Variants in THAP12 observed in about 807,000 individuals in gnomAD.
THAP12 encodes the protein 52 kDa repressor of the inhibitor of the protein kinase.
In THAP12, 20 loss-of-function variants were observed where a neutral mutation model predicts 63.0. The ratio of observed to expected loss-of-function variants is 0.32; its 90% confidence interval spans 0.22 to 0.46. The LOEUF (loss-of-function observed/expected upper bound fraction) is 0.46, where lower values mean the gene tolerates loss of function less well. Among genes scored for constraint, THAP12 ranks in the 20% least tolerant of loss-of-function variants. THAP12 has a pLI of 1.00. For missense variants in THAP12, 568 were observed against 908.2 expected, an observed-to-expected ratio of 0.63 and a Z score of 4.81; for synonymous variants, 264 against 328.4, an observed-to-expected ratio of 0.80 and a Z score of 2.12.
chr11:76,364,492 G>A (rs549164993), intron 2 of THAP12: 1 of 357,474 alleles, frequency 2.8e-6, no homozygotes, highest in African/African-American at 2.2e-5. Context: ...TTTGAATCAA[G>A]TTTATGTCTA....
At chr11:76,380,563 ACGCC>A (rs1258427714) in intron 1 of THAP12, among the ~76,000 whole-genome samples, 181 bp downstream of exon 1, 1 of 151,900 alleles carries the variant, frequency 6.6e-6, no homozygotes, top group African/African-American at 2.4e-5. Context: ...AGGTCCCCGG[ACGCC>A]CGCCCGCCCA....
chr11:76,354,405 A>G (rs1237004798), intron 4 of THAP12, among the ~76,000 whole-genome samples: 1 of 152,084 alleles, frequency 6.6e-6, no homozygotes, highest in African/African-American at 2.4e-5. Flanking sequence ...TCTCTCCTCC[A>G]TTATTTCTCC....
chr11:76,375,122 C>T (rs939220471), intron 1 of THAP12, among the ~76,000 whole-genome samples: 2 of 152,248 alleles, frequency 1.3e-5, no homozygotes, highest in African/African-American at 4.8e-5. Flanking sequence ...CACTGTTTTA[C>T]ATTTCACAAA....
chr11:76,370,587 C>T (rs997612350), intron 1 of THAP12, among the ~76,000 whole-genome samples: 9 of 152,018 alleles, frequency 5.9e-5, no homozygotes, highest in Non-Finnish European at 1.3e-4. Context: ...TAGTCTGAAA[C>T]GCCTGGGTGA....
At chr11:76,362,591 A>C (rs1946604814) in intron 2 of THAP12, among the ~76,000 whole-genome samples, 1 of 152,218 alleles carries the variant, frequency 6.6e-6, no homozygotes, top group African/African-American at 2.4e-5. Context: ...TTAGGGACAC[A>C]ATCACTGAAG....
At chr11:76,377,625 T>C (rs1946720424) in intron 1 of THAP12, among the ~76,000 whole-genome samples, 1 of 152,256 alleles carries the variant, frequency 6.6e-6, no homozygotes, top group Non-Finnish European at 1.5e-5. Context: ...TGATATACAT[T>C]TTGTTTATCC....
intron 2 of THAP12, among the ~76,000 whole-genome samples, chr11:76,363,543 C>CAA (rs1168197511): frequency 1.3e-5 from 2 of 151,936 alleles, no homozygotes; most frequent in African/African-American, 4.8e-5. Flanking sequence ...CTAATAAAGC[C>CAA]AAAACTCTTA....
chr11:76,355,746 A>G (rs940722760), intron 3 of THAP12, 92 bp from the exon 4 acceptor site: 1 of 996,360 alleles, frequency 1.0e-6, no homozygotes, highest in Non-Finnish European at 1.4e-6. Flanking sequence ...ACAAATGCCT[A>G]TTCTGAGTCA....
intron 1 of THAP12, among the ~76,000 whole-genome samples, chr11:76,367,596 T>C (rs1280472734): frequency 6.6e-6 from 1 of 151,896 alleles, no homozygotes; most frequent in African/African-American, 2.4e-5. Flanking sequence ...CTAAGTTTTG[T>C]ATTTATAGTA....
At chr11:76,365,700 G>A (rs1025551065) in intron 2 of THAP12, 152 bp downstream of exon 2, 2 of 1,081,770 alleles carry the variant, frequency 1.8e-6, no homozygotes, top group Non-Finnish European at 2.5e-6. Context: ...GAACAAAACA[G>A]ATACTTTTCA....
chr11:76,361,167 C>A, intron 2 of THAP12, 104 bp from the exon 3 acceptor site: 1 of 714,004 alleles, frequency 1.4e-6, no homozygotes, highest in Non-Finnish European at 2.3e-6. Context: ...TCAACTCCAG[C>A]TCTAAAGTAT....
Position 76,350,660 on chromosome 11 carries a change from T to A in THAP12, c.*204A>T. 2.0e-6 allele frequency: 1 copy of A among 489,534 alleles called. No individual in the cohort carries two copies. Among genetic ancestry groups the A allele is most frequent in the Non-Finnish European group, 3.2e-6 (1 of 309,102 alleles). 30.3% of individuals were successfully genotyped at this position (489,534 alleles called of 1,614,324 possible). On this transcript the variant is annotated 3_prime_UTR_variant, in exon 5 of 5. Coordinates refer to ENST00000260045, the MANE Select transcript of THAP12 (RefSeq NM_004705.4). ...TCACGCAAAAGGAAACATGGCACTT[T>A]CAACGTTCTCTTCTGGAAGAACAGG...
At chr11:76,369,433 C>G (rs1355425817) in intron 1 of THAP12, among the ~76,000 whole-genome samples, 1 of 152,198 alleles carries the variant, frequency 6.6e-6, no homozygotes, top group Non-Finnish European at 1.5e-5. Context: ...CTAGAACAGG[C>G]AAAACTCATT....
At chr11:76,372,711 C>T (rs894682771) in intron 1 of THAP12, among the ~76,000 whole-genome samples, 2 of 151,822 alleles carry the variant, frequency 1.3e-5, no homozygotes, top group African/African-American at 4.8e-5. Context: ...TATAGGGAGA[C>T]CTTGTCTCTA....
intron 3 of THAP12, chr11:76,357,044 A>G (rs79787936): frequency 6.7e-6 from 1 of 148,358 alleles, no homozygotes; most frequent in Non-Finnish European, 1.5e-5. Flanking sequence ...CTCTGTCTCA[A>G]AAAAAAAAAA....
chr11:76,370,657 G>A (rs1468757099), intron 1 of THAP12, among the ~76,000 whole-genome samples: 3 of 151,744 alleles, frequency 2.0e-5, no homozygotes, highest in Admixed American at 6.6e-5. Flanking sequence ...GCCACCGCAC[G>A]TAGCTCTTCT....
At chr11:76,370,839 A>ATAT (rs1388416535) in intron 1 of THAP12, among the ~76,000 whole-genome samples, 56 of 133,624 alleles carry the variant, frequency 4.2e-4, no homozygotes, top group Admixed American at 1.4e-3. Context: ...AGAAAAAAAA[A>ATAT]AAAAATATAT....
chr11:76,358,080 A>G (rs1946573093), intron 3 of THAP12: 1 of 152,180 alleles, frequency 6.6e-6, no homozygotes, highest in South Asian at 2.1e-4. Flanking sequence ...CAATAAAGAT[A>G]GCAGAATGGC....
At position 76,367,978 on chromosome 11, in the gene THAP12, A is replaced by C. The variant is rs368498941; in HGVS notation, c.90-2006T>G. ...TAATCACACTTTTACACAGTTGTAC[A>C]TTATGATTATAAACATTTCATGTTT... On this transcript the variant is annotated intron_variant, in intron 1 of 4. Coordinates refer to ENST00000260045, the MANE Select transcript of THAP12 (RefSeq NM_004705.4). Among the ~76,000 whole-genome samples the C allele has an allele frequency of 4.6e-5, 7 of 152,360 alleles. No homozygotes were observed. The East Asian group carries it at 1.3e-3, about 29-fold the overall frequency.
Sources: allele counts gnomAD v4.1 joint callset (sites outside exome capture counted in the v4.1 genomes callset), GRCh38; gene constraint gnomAD v4.1.1; transcripts MANE v1.5; gene names NCBI Gene and HGNC (gene_info 2026-07-23, HGNC 2026-07-21).